Variants in RIT2 observed in about 807,000 individuals in gnomAD.
RIT2 encodes Ras like without CAAX 2, also known as GTP-binding protein Rit2.
Under a neutral mutation model 23.7 loss-of-function variants are expected in RIT2, and 24 were observed. The ratio of observed to expected loss-of-function variants is 1.01; its 90% CI spans 0.73 to 1.43. The LOEUF is 1.43. Ranked by LOEUF, RIT2 falls within the 40% of genes most tolerant of loss-of-function variation. RIT2 has a pLI of 0.00. For synonymous variants in RIT2, 107 were observed against 91.1 expected (o/e 1.17, Z -0.99); for missense variants, 236 against 266.9 (o/e 0.88, Z 0.81).
rs1911672005 is a variant in RIT2 at position 43,024,738 on chromosome 18, A to AACAACG, written c.160+9072_160+9073insCGTTGT. On this transcript the variant is annotated intron_variant, in intron 2 of 4. Coordinates refer to ENST00000326695, the MANE Select transcript of RIT2 (RefSeq NM_002930.4). ...CAACAACAACAACAACAACAACAACAACAACAAAATAGCTCATTATAAAGT... is the reference window on the plus strand; with the variant it reads ...CAACAACAACAACAACAACAACAACAACAACGACAACAAAATAGCTCATTATAAAGT... 3.9e-5 allele frequency among the ~76,000 whole-genome samples: 6 copies of AACAACG among 152,146 alleles called. No homozygotes were observed. The South Asian group carries it at 1.2e-3, about 32-fold the overall frequency.
chr18:42,842,240 A>G (rs1216647748), intron 4 of RIT2, among the ~76,000 whole-genome samples: 1 of 152,186 alleles, frequency 6.6e-6, no homozygotes, highest in Non-Finnish European at 1.5e-5. Context: ...ATCACTCACA[A>G]TTTGACTTAA....
rs536677682 is a variant in RIT2 at position 42,743,779 on chromosome 18, A to C, written c.427-59T>G. ...AAAGAGAAAGACTCTTCAATTAAAA[A>C]TACGTTCTCTACTAGAGCTGTGTGT... On this transcript the variant is annotated intron_variant, in intron 4 of 4. Coordinates refer to ENST00000326695, the MANE Select transcript of RIT2 (RefSeq NM_002930.4). 62 of 1,315,524 alleles carry C rather than the reference A, an allele frequency of 4.7e-5. No individual in the cohort carries two copies. The South Asian group carries it at 8.1e-4, about 17-fold the overall frequency. The allele number at this position is 1,315,524 out of a possible 1,614,324, so 81.5% of individuals were successfully genotyped here. A position where few individuals can be genotyped will look rare whatever the true frequency, so the allele number is the denominator to read the frequency against.
chr18:43,055,742 G>A (rs1307681320), intron 1 of RIT2, among the ~76,000 whole-genome samples: 2 of 152,068 alleles, frequency 1.3e-5, no homozygotes, highest in African/African-American at 4.8e-5. Context: ...GATGGTACTG[G>A]AAGACTGGTT....
intron 1 of RIT2, among the ~76,000 whole-genome samples, chr18:43,114,730 C>T (rs1914029322): frequency 1.3e-5 from 2 of 152,090 alleles, no homozygotes; most frequent in Admixed American, 6.5e-5. Flanking sequence ...CACTTCCGTT[C>T]TTTATGTACC....
At chr18:42,794,159 C>T (rs1009833716) in intron 4 of RIT2, among the ~76,000 whole-genome samples, 1 of 152,182 alleles carries the variant, frequency 6.6e-6, no homozygotes, top group Non-Finnish European at 1.5e-5. Flanking sequence ...AGGCCAGGCA[C>T]TCCTTCTTTT....
At chr18:42,957,720 G>T (rs1272035329) in intron 3 of RIT2, among the ~76,000 whole-genome samples, 2 of 152,094 alleles carry the variant, frequency 1.3e-5, no homozygotes, top group Non-Finnish European at 2.9e-5. Context: ...GGAGGTGGAG[G>T]TTGCAGTGAG....
chr18:43,009,955 CA>C (rs1377582753), intron 2 of RIT2, among the ~76,000 whole-genome samples: 1 of 151,744 alleles, frequency 6.6e-6, no homozygotes, highest in Non-Finnish European at 1.5e-5. Flanking sequence ...CCACTAGACT[CA>C]ATTAACTCTC....
intron 3 of RIT2, among the ~76,000 whole-genome samples, chr18:42,948,268 G>A (rs1909773072): frequency 6.6e-6 from 1 of 152,046 alleles, no homozygotes. Flanking sequence ...TTGTTCAAAT[G>A]TTCAAAGGTA....
intron 4 of RIT2, among the ~76,000 whole-genome samples, chr18:42,818,696 A>T (rs1906064326): frequency 6.6e-6 from 1 of 152,082 alleles, no homozygotes; most frequent in African/African-American, 2.4e-5. Flanking sequence ...GTACTAAAAA[A>T]ATCAATCTCA....
intron 4 of RIT2, among the ~76,000 whole-genome samples, chr18:42,897,100 G>T (rs1217357492): frequency 6.6e-6 from 1 of 152,116 alleles, no homozygotes; most frequent in African/African-American, 2.4e-5. Context: ...GGTTCTACAG[G>T]TACTACACAG....
At chr18:42,771,004 T>C (rs1025064941) in intron 4 of RIT2, among the ~76,000 whole-genome samples, 1 of 152,204 alleles carries the variant, frequency 6.6e-6, no homozygotes, top group Non-Finnish European at 1.5e-5. Flanking sequence ...GAACTGGCAA[T>C]TGGATGCAGA....
intron 2 of RIT2, among the ~76,000 whole-genome samples, chr18:43,019,425 A>G (rs535362713): frequency 6.6e-6 from 1 of 152,226 alleles, no homozygotes; most frequent in South Asian, 2.1e-4. Flanking sequence ...GACAGCATAA[A>G]GGAGAAAAAT....
chr18:43,018,269 T>C (rs1269349774), intron 2 of RIT2, among the ~76,000 whole-genome samples: 2 of 152,018 alleles, frequency 1.3e-5, no homozygotes, highest in African/African-American at 4.8e-5. Flanking sequence ...ACTGTGACAC[T>C]ATTAGAACTG....
intron 3 of RIT2, among the ~76,000 whole-genome samples, chr18:42,967,563 T>TAA (rs898516184): frequency 3.7e-5 from 5 of 135,166 alleles, no homozygotes; most frequent in African/African-American, 5.6e-5. Context: ...TTTTTTTTTT[T>TAA]TGTATTTTTA....
At chr18:43,109,148 G>A (rs1461815766) in intron 1 of RIT2, among the ~76,000 whole-genome samples, 2 of 152,190 alleles carry the variant, frequency 1.3e-5, no homozygotes, top group Non-Finnish European at 2.9e-5. Flanking sequence ...TATTGTTACT[G>A]CTTTCTCTTT....
At chr18:42,976,316 A>G (rs1390785477) in intron 2 of RIT2, among the ~76,000 whole-genome samples, 1 of 152,124 alleles carries the variant, frequency 6.6e-6, no homozygotes, top group Admixed American at 6.6e-5. Context: ...GTATGGAACA[A>G]CAACAATAAA....
chr18:42,905,972 A>G (rs1252289397), intron 4 of RIT2, among the ~76,000 whole-genome samples: 1 of 141,722 alleles, frequency 7.1e-6, no homozygotes, highest in Non-Finnish European at 1.5e-5. Context: ...AATGAAGCAA[A>G]TTGAAATATA....
intron 4 of RIT2, among the ~76,000 whole-genome samples, chr18:42,870,046 G>GAAA: frequency 6.6e-6 from 1 of 152,164 alleles, no homozygotes; most frequent in Non-Finnish European, 1.5e-5. Context: ...TTCTTATTGT[G>GAAA]CCTCACATGG....
chr18:42,978,013 G>A (rs1425271896), intron 2 of RIT2, among the ~76,000 whole-genome samples: 1 of 151,598 alleles, frequency 6.6e-6, no homozygotes, highest in Non-Finnish European at 1.5e-5. Flanking sequence ...ATTTCACAGG[G>A]AAATAAGAAT....
Sources: allele counts gnomAD v4.1 joint callset (sites outside exome capture counted in the v4.1 genomes callset), GRCh38; gene constraint gnomAD v4.1.1; transcripts MANE v1.5; gene names NCBI Gene and HGNC (gene_info 2026-07-23, HGNC 2026-07-21).